The following SLC38A8 variants were observed in gnomAD, a reference collection of about 807,000 sequenced individuals.
The protein encoded by SLC38A8 is solute carrier family 38 member 8.
SLC38A8 carries 65 observed loss-of-function variants against 46.0 expected under a neutral mutation model. The observed-to-expected ratio is 1.41, with a 90% CI of 1.16 to 1.74. The LOEUF is 1.74. SLC38A8 is among the 40% of genes most tolerant of loss of function. The pLI is 0.00. For missense variants in SLC38A8, 998 were observed against 567.9 expected (o/e 1.76, Z -7.70); for synonymous variants, 447 against 243.7 (o/e 1.83, Z -7.77).
At chr16:84,014,681 G>T (rs77228145) in intron 9 of SLC38A8, among the ~76,000 whole-genome samples, 6,446 of 152,288 alleles carry the variant, frequency 0.042, 189 homozygotes, top group South Asian at 0.1. Flanking sequence ...CACTTCCCCA[G>T]TCTTTATCTC....
chr16:84,021,446 C>CAG (rs2085095451), intron 7 of SLC38A8, among the ~76,000 whole-genome samples: 1 of 152,228 alleles, frequency 6.6e-6, no homozygotes, highest in Non-Finnish European at 1.5e-5. Flanking sequence ...CAGCTTCTAA[C>CAG]AGGTTTGTCC....
intron 10 of SLC38A8, 24 bp from the exon 11 acceptor site, chr16:84,009,901 C>G (rs2084934785): frequency 6.2e-7 from 1 of 1,604,690 alleles, no homozygotes; most frequent in Admixed American, 1.7e-5. Flanking sequence ...AAACCCATGT[C>G]AGAGCTTTTC....
At chr16:84,024,702 G>C (rs2085140940) in intron 6 of SLC38A8, among the ~76,000 whole-genome samples, 1 of 152,050 alleles carries the variant, frequency 6.6e-6, no homozygotes, top group African/African-American at 2.4e-5. Context: ...AGTCGCTCAA[G>C]CCTGGGAGGC....
intron 9 of SLC38A8, among the ~76,000 whole-genome samples, chr16:84,014,880 C>A (rs13331229): frequency 0.075 from 11,381 of 152,186 alleles, 1,413 homozygotes; most frequent in African/African-American, 0.26. Context: ...ATCGCCCCCC[C>A]ACCTCCGGGG....
chr16:84,027,445 C>A (rs12922255), intron 6 of SLC38A8, among the ~76,000 whole-genome samples: 1 of 152,238 alleles, frequency 6.6e-6, no homozygotes, highest in East Asian at 1.9e-4. Flanking sequence ...AACCCCTCTG[C>A]TCCTGAGGCC....
rs530555217 is a variant in SLC38A8 at position 84,034,088 on chromosome 16, C to G, written c.389-619G>C. Among the ~76,000 whole-genome samples, 41 of 152,194 alleles carry G rather than the reference C, an allele frequency of 2.7e-4. 1 individual carries two copies. Among genetic ancestry groups the G allele is most frequent in the Non-Finnish European group, 4.8e-4 (33 of 68,042 alleles). ...GTCTGGAGGAACCCTGATGGCTCCC[C>G]ACAACACCTACTGCCTGATGGGTAC... On this transcript the variant is annotated intron_variant, in intron 3 of 10. Coordinates refer to ENST00000299709, the MANE Select transcript of SLC38A8 (RefSeq NM_001080442.3).
At chr16:84,031,623 G>A (rs1046059039) in intron 5 of SLC38A8, among the ~76,000 whole-genome samples, 2 of 152,252 alleles carry the variant, frequency 1.3e-5, no homozygotes, top group African/African-American at 2.4e-5. Flanking sequence ...CTAGGCCGCC[G>A]CAGCCTTTGG....
intron 10 of SLC38A8, among the ~76,000 whole-genome samples, chr16:84,010,534 G>C (rs538315752): frequency 6.6e-6 from 1 of 151,900 alleles, no homozygotes; most frequent in Non-Finnish European, 1.5e-5. Flanking sequence ...CTGAGGTCAT[G>C]AATTCAAGAC....
intron 7 of SLC38A8, among the ~76,000 whole-genome samples, chr16:84,018,087 T>A (rs1347855287): frequency 6.6e-6 from 1 of 152,106 alleles, no homozygotes; most frequent in Non-Finnish European, 1.5e-5. Context: ...GAAACTTACT[T>A]CCTACAGTTA....
At chr16:84,033,018 G>T (rs867651839) in intron 4 of SLC38A8, among the ~76,000 whole-genome samples, 1 of 150,834 alleles carries the variant, frequency 6.6e-6, no homozygotes, top group African/African-American at 2.4e-5. Context: ...GGGTAGGTGG[G>T]TGTGTATGTG....
At chr16:84,022,477 G>C (rs969137346) in intron 7 of SLC38A8, among the ~76,000 whole-genome samples, 2 of 152,222 alleles carry the variant, frequency 1.3e-5, no homozygotes, top group African/African-American at 4.8e-5. Flanking sequence ...GCAGGCAGCA[G>C]GGCTGGGGTG....
chr16:84,038,333 A>G (rs1347386872), intron 2 of SLC38A8, among the ~76,000 whole-genome samples: 1 of 151,790 alleles, frequency 6.6e-6, no homozygotes, highest in Non-Finnish European at 1.5e-5. Context: ...ATTCAGATGT[A>G]CAGGAAAGTT....
intron 9 of SLC38A8, among the ~76,000 whole-genome samples, chr16:84,013,442 T>TG (rs1567689210): frequency 2.1e-5 from 3 of 142,630 alleles, no homozygotes; most frequent in Non-Finnish European, 4.6e-5. Context: ...TTTTTTTTTT[T>TG]TTTTTTTGAG....
intron 8 of SLC38A8, 63 bp from the exon 9 acceptor site, chr16:84,016,790 C>T: frequency 6.5e-7 from 1 of 1,536,768 alleles, no homozygotes; most frequent in Non-Finnish European, 8.8e-7. Flanking sequence ...CACCCGACAG[C>T]TGCTCCCCAG....
chr16:84,025,333 C>T (rs775672003), intron 6 of SLC38A8, among the ~76,000 whole-genome samples: 6 of 152,166 alleles, frequency 3.9e-5, no homozygotes, highest in East Asian at 1.9e-4. Context: ...GTCTTCCCTC[C>T]GCGCCTCAGG....
intron 8 of SLC38A8, among the ~76,000 whole-genome samples, 194 bp downstream of exon 8, chr16:84,016,946 G>A (rs1444399930): frequency 6.6e-6 from 1 of 152,194 alleles, no homozygotes; most frequent in South Asian, 2.1e-4. Context: ...TCGCATTCCA[G>A]TCCTGGCTGT....
chr16:84,030,247 CT>C (rs1230589201), intron 5 of SLC38A8, among the ~76,000 whole-genome samples: 3 of 152,144 alleles, frequency 2.0e-5, no homozygotes, highest in African/African-American at 7.2e-5. Context: ...AGATCTGCCC[CT>C]GGAGTCTTCG....
chr16:84,017,554 G>A (rs1161684453), intron 7 of SLC38A8, among the ~76,000 whole-genome samples: 1 of 152,170 alleles, frequency 6.6e-6, no homozygotes, highest in African/African-American at 2.4e-5. Flanking sequence ...CACCCACAGT[G>A]CGTGTGTTGA....
chr16:84,023,021 T>C (rs2085114127), intron 6 of SLC38A8, 132 bp from the exon 7 acceptor site: 3 of 624,166 alleles, frequency 4.8e-6, no homozygotes, highest in Non-Finnish European at 8.1e-6. Context: ...TGATCAATCC[T>C]TTATTCTTTA....
Sources: allele counts gnomAD v4.1 joint callset (sites outside exome capture counted in the v4.1 genomes callset), GRCh38; gene constraint gnomAD v4.1.1; transcripts MANE v1.5; gene names NCBI Gene and HGNC (gene_info 2026-07-23, HGNC 2026-07-21).